Variants in CNTN5 observed in about 807,000 individuals in gnomAD.
CNTN5 encodes contactin 5.
Under a neutral mutation model 129.1 loss-of-function variants are expected in CNTN5, and 77 were observed. That is an observed-to-expected ratio of 0.60 (90% CI 0.50 to 0.72). The LOEUF is 0.72. Among genes scored for constraint, CNTN5 ranks in the 30% least tolerant of loss-of-function variants. The pLI, the probability that CNTN5 is intolerant of heterozygous loss-of-function variation, is 0.00. For missense variants in CNTN5, 1,478 were observed against 1,328.8 expected, an observed-to-expected ratio of 1.11 and a Z score of -1.75; for synonymous variants, 509 against 465.6, an observed-to-expected ratio of 1.09 and a Z score of -1.20.
At chr11:99,668,792 G>A (rs1338092997) in intron 3 of CNTN5, among the ~76,000 whole-genome samples, 1 of 151,966 alleles carries the variant, frequency 6.6e-6, no homozygotes, top group African/African-American at 2.4e-5. Context: ...AAATTAGCCG[G>A]GTGTGGGGGC....
At chr11:99,491,634 A>G (rs145636812) in intron 2 of CNTN5, among the ~76,000 whole-genome samples, 1 of 152,298 alleles carries the variant, frequency 6.6e-6, no homozygotes, top group African/African-American at 2.4e-5. Flanking sequence ...ATCCAGAAGC[A>G]TAGCATTTCA....
chr11:99,146,425 T>G (rs577794005), intron 1 of CNTN5, among the ~76,000 whole-genome samples: 1 of 152,242 alleles, frequency 6.6e-6, no homozygotes, highest in East Asian at 1.9e-4. Flanking sequence ...TCCTTAAAAG[T>G]TTGATCTCCA....
At chr11:99,025,811 A>G (rs2135065917) in intron 1 of CNTN5, among the ~76,000 whole-genome samples, 1 of 151,860 alleles carries the variant, frequency 6.6e-6, no homozygotes, top group South Asian at 2.1e-4. Flanking sequence ...TTTTAAGTAT[A>G]TAAAGTTTTA....
intron 13 of CNTN5, among the ~76,000 whole-genome samples, chr11:100,080,029 G>A (rs1944298139): frequency 6.6e-6 from 1 of 152,078 alleles, no homozygotes; most frequent in Non-Finnish European, 1.5e-5. Flanking sequence ...CTAAAATGAA[G>A]AATACATAGT....
rs536180283 is a variant in CNTN5 at position 99,759,977 on chromosome 11, A to C, written c.56-59567A>C. On this transcript the variant is annotated intron_variant, in intron 3 of 24. Coordinates refer to ENST00000524871, the MANE Select transcript of CNTN5 (RefSeq NM_014361.4). ...TGGGGGTGGAGTGAAATGATACTTCAGTTTCAGACACACAGAGTTTGAGAT... is the reference window on the plus strand; with the variant it reads ...TGGGGGTGGAGTGAAATGATACTTCCGTTTCAGACACACAGAGTTTGAGAT... 2.0e-5 allele frequency among the ~76,000 whole-genome samples: 3 copies of C among 152,190 alleles called. No homozygotes were observed. In the South Asian group the frequency reaches 6.2e-4, roughly 32 times the overall value.
intron 3 of CNTN5, among the ~76,000 whole-genome samples, chr11:99,601,824 G>C (rs1432621544): frequency 6.6e-6 from 1 of 152,108 alleles, no homozygotes. Flanking sequence ...GACTGTGTAT[G>C]CTTTTTTACA....
intron 1 of CNTN5, among the ~76,000 whole-genome samples, chr11:99,177,830 T>A (rs1483937692): frequency 6.6e-6 from 1 of 151,908 alleles, no homozygotes; most frequent in African/African-American, 2.4e-5. Flanking sequence ...ATAAAGAAAA[T>A]GAATTCAGCA....
intron 3 of CNTN5, among the ~76,000 whole-genome samples, chr11:99,771,644 G>A (rs146183637): frequency 8.9e-4 from 135 of 152,044 alleles, no homozygotes; most frequent in African/African-American, 2.8e-3. Flanking sequence ...ATTAGCTGGC[G>A]GTGGGGGAAA....
At chr11:100,202,923 T>A (rs1281737090) in intron 15 of CNTN5, among the ~76,000 whole-genome samples, 1 of 152,028 alleles carries the variant, frequency 6.6e-6, no homozygotes, top group Admixed American at 6.6e-5. Context: ...GTTCCAAATC[T>A]GATTTGCTGT....
chr11:100,310,269 A>G (rs1591502941), intron 21 of CNTN5, among the ~76,000 whole-genome samples: 1 of 151,894 alleles, frequency 6.6e-6, no homozygotes, highest in East Asian at 1.9e-4. Context: ...GGTGCACGGA[A>G]GAGTGACAAC....
chr11:100,192,617 G>A (rs1023545122), intron 14 of CNTN5, among the ~76,000 whole-genome samples: 1 of 151,916 alleles, frequency 6.6e-6, no homozygotes, highest in Admixed American at 6.6e-5. Context: ...ATCTAACTAG[G>A]AAAGAAGATA....
intron 1 of CNTN5, among the ~76,000 whole-genome samples, chr11:99,124,609 C>A (rs575747551): frequency 1.6e-4 from 25 of 151,778 alleles, no homozygotes; most frequent in African/African-American, 5.8e-4. Flanking sequence ...CAAGAAATAA[C>A]CAAAATCAGA....
At chr11:99,345,437 A>G (rs180683860) in intron 2 of CNTN5, among the ~76,000 whole-genome samples, 2 of 152,326 alleles carry the variant, frequency 1.3e-5, no homozygotes, top group South Asian at 2.1e-4. Flanking sequence ...CTTAAAATAA[A>G]TATATCCAAA....
chr11:100,016,008 T>C (rs1940802046), intron 9 of CNTN5, among the ~76,000 whole-genome samples: 1 of 152,164 alleles, frequency 6.6e-6, no homozygotes, highest in Non-Finnish European at 1.5e-5. Context: ...ATCATATTTA[T>C]TTGTTTTTAG....
chr11:100,037,851 TTCTC>T (rs1369969853), intron 9 of CNTN5, among the ~76,000 whole-genome samples: 1 of 152,192 alleles, frequency 6.6e-6, no homozygotes, highest in Non-Finnish European at 1.5e-5. Context: ...AATTTGATTC[TTCTC>T]TCTTTTTTTC....
At chr11:99,256,620 A>C (rs1862388901) in intron 1 of CNTN5, among the ~76,000 whole-genome samples, 1 of 152,034 alleles carries the variant, frequency 6.6e-6, no homozygotes, top group African/African-American at 2.4e-5. Flanking sequence ...CCAATGGAAA[A>C]TGATTACATA....
chr11:99,192,197 A>C (rs1858679665), intron 1 of CNTN5, among the ~76,000 whole-genome samples: 2 of 151,808 alleles, frequency 1.3e-5, no homozygotes, highest in African/African-American at 4.8e-5. Context: ...AAAAAAAATT[A>C]CAATGGAAAC....
intron 1 of CNTN5, among the ~76,000 whole-genome samples, chr11:99,116,355 T>C (rs942137632): frequency 6.6e-6 from 1 of 152,194 alleles, no homozygotes; most frequent in Non-Finnish European, 1.5e-5. Flanking sequence ...TATCTGATGT[T>C]CTCTTTAAGT....
intron 1 of CNTN5, among the ~76,000 whole-genome samples, chr11:99,184,587 G>A (rs913652736): frequency 1.3e-5 from 2 of 152,006 alleles, no homozygotes; most frequent in African/African-American, 4.8e-5. Context: ...TCTAGCACTT[G>A]AAATAGTCAA....
Sources: allele counts gnomAD v4.1 joint callset (sites outside exome capture counted in the v4.1 genomes callset), GRCh38; gene constraint gnomAD v4.1.1; transcripts MANE v1.5; gene names NCBI Gene and HGNC (gene_info 2026-07-23, HGNC 2026-07-21).